The following BAHD1 variants were observed in gnomAD, a reference collection of about 807,000 sequenced individuals.
The protein encoded by BAHD1 is bromo adjacent homology domain containing 1, also known as bromo adjacent homology domain-containing 1 protein.
Under a neutral mutation model 63.1 loss-of-function variants are expected in BAHD1, and 20 were observed. That is an observed-to-expected ratio of 0.32 (90% CI 0.22 to 0.46). BAHD1 has a LOEUF of 0.46. Among genes scored for constraint, BAHD1 ranks in the 20% least tolerant of loss-of-function variants. BAHD1 has a pLI of 1.00. For missense variants in BAHD1, 939 were observed against 1,071.8 expected (o/e 0.88, Z 1.73); for synonymous variants, 408 against 426.8 (o/e 0.96, Z 0.54).
chr15:40,448,886 G>T (rs1289602520), intron 1 of BAHD1, among the ~76,000 whole-genome samples: 1 of 150,360 alleles, frequency 6.7e-6, no homozygotes, highest in African/African-American at 2.5e-5. Flanking sequence ...GCCCAGGCTG[G>T]AGTGCAGTGG....
At chr15:40,450,345 T>C (rs994042626) in intron 1 of BAHD1, among the ~76,000 whole-genome samples, 1 of 152,194 alleles carries the variant, frequency 6.6e-6, no homozygotes, top group Non-Finnish European at 1.5e-5. Context: ...GAGGCAGAGC[T>C]CCATCTTGGC....
In BAHD1 at chr15:40,461,969, C is replaced by A; in HGVS notation, c.1490C>A (p.Ala497Asp). Residue 497 changes from alanine to aspartate, a missense_variant, in exon 3 of 7, where the codon GCC becomes GAC. By Grantham distance (126) the Ala-to-Asp change is moderately radical. Transcript: ENST00000416165. ...CCTCTCCCGGAAGCTGGCCACCCAGCCTCACCCGCCCACCCACTCCTGGGG... is the reference window on the plus strand; with the variant it reads ...CCTCTCCCGGAAGCTGGCCACCCAGACTCACCCGCCCACCCACTCCTGGGG... Reference protein sequence around the residue: ...EFPLPEAGHPASPAHPLLGCP... With the variant: ...EFPLPEAGHPDSPAHPLLGCP... 6.2e-7 allele frequency: 1 copy of A among 1,611,870 alleles called. No homozygotes were observed.
rs772493417 is a variant in BAHD1 at position 40,459,065 on chromosome 15, C to G, written c.601C>G (p.Pro201Ala). 6.2e-7 allele frequency: 1 copy of G among 1,612,138 alleles called. No homozygotes were observed. The change falls in exon 2 of 7, where the codon CCC (proline) becomes GCC (alanine). Residue 201 changes from proline (P) to alanine (A), a missense_variant. Transcript: ENST00000416165. ...EGPRRDGDPAPKRLASLNAAA... is the reference protein window; with the variant it reads ...EGPRRDGDPAAKRLASLNAAA... Reference sequence around the variant, plus strand: ...TCCCCGCCGAGATGGAGACCCAGCTCCCAAGAGACTGGCTAGCCTGAACGC... The same window carrying G: ...TCCCCGCCGAGATGGAGACCCAGCTGCCAAGAGACTGGCTAGCCTGAACGC...
At chr15:40,449,764 G>T (rs978547699) in intron 1 of BAHD1, among the ~76,000 whole-genome samples, 1 of 150,412 alleles carries the variant, frequency 6.6e-6, no homozygotes, top group Non-Finnish European at 1.5e-5. Flanking sequence ...AGCTATAATT[G>T]TGCCACTGCC....
chr15:40,452,711 G>A (rs1053592213), intron 1 of BAHD1, among the ~76,000 whole-genome samples: 3 of 152,092 alleles, frequency 2.0e-5, no homozygotes, highest in Non-Finnish European at 2.9e-5. Context: ...CCTTCAGCCC[G>A]GCGTGAAGCA....
chr15:40,459,324 C>G lies in BAHD1; in HGVS notation c.860C>G (p.Thr287Ser). Residue 287 changes from threonine to serine, a missense_variant, in exon 2 of 7, where the codon ACT (threonine) becomes AGT (serine). This residue lies in a region of BAHD1 where 797 missense variants were observed against 813.3 expected (regional missense o/e 0.98). Coordinates refer to ENST00000416165, the MANE Select transcript of BAHD1 (RefSeq NM_014952.5). ...CCTGATGAACCATGGCCATCTGCAA[C>G]TCCTTGTGGGCCATCCGTCCAGCCA... The part of the protein sequence containing the change: ...GCPDEPWPSA[T>S]PCGPSVQPSH... The G allele has an allele frequency of 6.2e-7, 1 of 1,613,068 alleles. No homozygotes were observed. The highest frequency in any genetic ancestry group is 1.1e-5 in the South Asian group (1 of 91,076).
At chr15:40,464,083 G>A in intron 4 of BAHD1, 63 bp downstream of exon 4, 1 of 1,569,494 alleles carries the variant, frequency 6.4e-7, no homozygotes, top group Non-Finnish European at 8.7e-7. Flanking sequence ...GTAGTCCCCA[G>A]ATTGGCCCCT....
At chr15:40,449,663 G>T (rs544281323) in intron 1 of BAHD1, among the ~76,000 whole-genome samples, 1 of 151,932 alleles carries the variant, frequency 6.6e-6, no homozygotes, top group Non-Finnish European at 1.5e-5. Context: ...TTAAAAATTA[G>T]CCAGGCATGG....
chr15:40,444,869 C>T (rs1354154996), intron 1 of BAHD1, among the ~76,000 whole-genome samples: 2 of 152,100 alleles, frequency 1.3e-5, no homozygotes, highest in Non-Finnish European at 2.9e-5. Flanking sequence ...TTTTGTGCCC[C>T]AGTTTGATGA....
intron 1 of BAHD1, among the ~76,000 whole-genome samples, chr15:40,456,465 C>T (rs900575101): frequency 9.2e-5 from 14 of 152,234 alleles, no homozygotes; most frequent in African/African-American, 3.1e-4. Context: ...AGTGGCAAGT[C>T]CCCGCACGTG....
chr15:40,456,741 C>T (rs1032829099), intron 1 of BAHD1, among the ~76,000 whole-genome samples: 5 of 152,226 alleles, frequency 3.3e-5, no homozygotes, highest in Non-Finnish European at 5.9e-5. Flanking sequence ...GGACTGCTCT[C>T]AGTTCCTCTG....
At chr15:40,465,164 A>G (rs1043358207) in intron 5 of BAHD1, 171 bp from the exon 6 acceptor site, 2 of 621,628 alleles carry the variant, frequency 3.2e-6, no homozygotes, top group African/African-American at 1.8e-5. Flanking sequence ...GAAGGGACTC[A>G]GGAGGAATGC....
chr15:40,438,791 A>ACATT (rs780123889), upstream of BAHD1, among the ~76,000 whole-genome samples: 15 of 152,166 alleles, frequency 9.9e-5, no homozygotes, highest in Non-Finnish European at 1.8e-4. Context: ...GCCACCAGGT[A>ACATT]CATTCCTCTT....
intron 1 of BAHD1, among the ~76,000 whole-genome samples, chr15:40,441,592 C>T (rs966973954): frequency 1.4e-5 from 2 of 146,694 alleles, no homozygotes; most frequent in African/African-American, 4.9e-5. Context: ...GGGTGGCGGC[C>T]GCAGGGTGGC....
chr15:40,463,910 A>G lies in BAHD1; in HGVS notation c.1865A>G (p.His622Arg), dbSNP rs746914141. 4 of 1,614,202 alleles carry G rather than the reference A, an allele frequency of 2.5e-6. No individual in the cohort carries two copies. The highest frequency in any genetic ancestry group is 3.4e-6 in the Non-Finnish European group (4 of 1,180,026). Residue 622 changes from histidine to arginine, a missense_variant, in exon 4 of 7, where the codon CAT (histidine) becomes CGT (arginine). His to Arg is a conservative substitution (Grantham distance 29). Transcript: ENST00000416165. ...IRKSYQAVER[H>R]GETIRVRDTV... ...AAGAGCTACCAGGCGGTAGAGCGGC[A>G]TGGGGAGACAATCCGAGTCCGGGAC... is the stretch of plus-strand genomic sequence containing the variant.
At chr15:40,451,921 G>A (rs1893716253) in intron 1 of BAHD1, among the ~76,000 whole-genome samples, 2 of 113,796 alleles carry the variant, frequency 1.8e-5, no homozygotes, top group Admixed American at 8.7e-5. Flanking sequence ...TTTATTGCAT[G>A]TGATTACCTT....
intron 2 of BAHD1, among the ~76,000 whole-genome samples, chr15:40,461,311 C>T (rs1026224313): frequency 6.6e-6 from 1 of 152,108 alleles, no homozygotes; most frequent in African/African-American, 2.4e-5. Flanking sequence ...GATTCTAGAA[C>T]CCCTATTCCC....
At chr15:40,453,346 T>A (rs879763144) in intron 1 of BAHD1, 2 of 152,238 alleles carry the variant, frequency 1.3e-5, no homozygotes, top group Admixed American at 6.5e-5. Flanking sequence ...CTTCACCTGT[T>A]TCTCCATAAA....
At chr15:40,441,723 C>G (rs1161594617) in intron 1 of BAHD1, among the ~76,000 whole-genome samples, 1 of 149,336 alleles carries the variant, frequency 6.7e-6, no homozygotes, top group African/African-American at 2.4e-5. Flanking sequence ...AGGCCCCCGC[C>G]GCGCCCCCTC....
Sources: allele counts gnomAD v4.1 joint callset (sites outside exome capture counted in the v4.1 genomes callset), GRCh38; gene constraint gnomAD v4.1.1; regional missense constraint gnomAD v4.1.1; transcripts MANE v1.5; gene names NCBI Gene and HGNC (gene_info 2026-07-23, HGNC 2026-07-21).